The following DSCAM variants were observed in gnomAD, a reference collection of about 807,000 sequenced individuals.
The protein encoded by DSCAM is DS cell adhesion molecule.
DSCAM carries 47 observed loss-of-function variants against 217.7 expected under a neutral mutation model. The observed-to-expected ratio is 0.22, with a 90% confidence interval of 0.17 to 0.28. DSCAM has a LOEUF of 0.28. Ranked by LOEUF, DSCAM falls within the 10% of genes least tolerant of loss-of-function variation. DSCAM has a pLI of 1.00. For missense variants in DSCAM, 2,080 were observed against 2,618.3 expected (o/e 0.79, Z 4.49); for synonymous variants, 1,056 against 1,015.3 (o/e 1.04, Z -0.76).
intron 1 of DSCAM, among the ~76,000 whole-genome samples, chr21:40,731,662 C>A (rs924243825): frequency 1.3e-5 from 2 of 151,812 alleles, no homozygotes; most frequent in South Asian, 2.1e-4. Context: ...ATAAGGATAT[C>A]AGTCATATTT....
chr21:40,297,044 G>A (rs2073962966), intron 9 of DSCAM, among the ~76,000 whole-genome samples: 3 of 152,082 alleles, frequency 2.0e-5, no homozygotes, highest in African/African-American at 7.2e-5. Flanking sequence ...AAATTCTGGT[G>A]AGAACACATA....
chr21:40,325,476 C>G (rs1252995572), intron 8 of DSCAM, among the ~76,000 whole-genome samples: 2 of 152,044 alleles, frequency 1.3e-5, no homozygotes, highest in Non-Finnish European at 2.9e-5. Context: ...ATTTCTTAAA[C>G]AAGGTCCAAA....
intron 2 of DSCAM, among the ~76,000 whole-genome samples, chr21:40,695,073 T>C (rs1057048758): frequency 6.6e-6 from 1 of 152,112 alleles, no homozygotes; most frequent in African/African-American, 2.4e-5. Flanking sequence ...GCTTGTTTCT[T>C]TGCAATAAAA....
chr21:40,021,202 T>C (rs1359294576), intron 32 of DSCAM, among the ~76,000 whole-genome samples: 2 of 83,682 alleles, frequency 2.4e-5, no homozygotes, highest in Non-Finnish European at 4.6e-5. Flanking sequence ...CGAGACTCCG[T>C]CTCAAAAAAA....
chr21:40,420,219 C>T (rs995554549), intron 3 of DSCAM, among the ~76,000 whole-genome samples: 1 of 146,500 alleles, frequency 6.8e-6, no homozygotes, highest in Non-Finnish European at 1.5e-5. Flanking sequence ...ATAAACAATG[C>T]CAATTTTCAT....
intron 11 of DSCAM, among the ~76,000 whole-genome samples, chr21:40,250,044 A>C (rs778312996): frequency 1.3e-5 from 2 of 152,210 alleles, no homozygotes; most frequent in Non-Finnish European, 2.9e-5. Context: ...GTCACTTTGT[A>C]CTGTTTTTGC....
At chr21:40,239,185 A>G (rs2073116245) in intron 11 of DSCAM, among the ~76,000 whole-genome samples, 1 of 152,214 alleles carries the variant, frequency 6.6e-6, no homozygotes, top group South Asian at 2.1e-4. Flanking sequence ...AAAACCTTAA[A>G]TACCCGGATA....
intron 1 of DSCAM, among the ~76,000 whole-genome samples, chr21:40,717,855 A>G (rs190600217): frequency 3.9e-5 from 6 of 152,352 alleles, no homozygotes; most frequent in Admixed American, 2.6e-4. Flanking sequence ...GAAAGTTTTG[A>G]CAATGAACAA....
intron 2 of DSCAM, among the ~76,000 whole-genome samples, chr21:40,697,811 G>C (rs963760500): frequency 6.6e-6 from 1 of 152,106 alleles, no homozygotes; most frequent in African/African-American, 2.4e-5. Context: ...GATTGCTTTA[G>C]CATTTCGGAG....
intron 1 of DSCAM, among the ~76,000 whole-genome samples, chr21:40,759,050 G>T (rs539588597): frequency 3.3e-5 from 5 of 152,286 alleles, no homozygotes; most frequent in Non-Finnish European, 7.4e-5. Flanking sequence ...GCCTGGAAGG[G>T]GTGTGAAATG....
chr21:40,764,951 G>A (rs1225425069), intron 1 of DSCAM, among the ~76,000 whole-genome samples: 1 of 152,092 alleles, frequency 6.6e-6, no homozygotes, highest in Non-Finnish European at 1.5e-5. Context: ...GGCCTGTCAG[G>A]GGGTGGAGGG....
At chr21:40,705,260 T>C (rs2090699827) in intron 2 of DSCAM, among the ~76,000 whole-genome samples, 1 of 152,224 alleles carries the variant, frequency 6.6e-6, no homozygotes, top group Non-Finnish European at 1.5e-5. Flanking sequence ...TATACAAATT[T>C]ATGTGCAGAT....
At chr21:40,104,137 A>T (rs1339347491) in intron 20 of DSCAM, among the ~76,000 whole-genome samples, 1 of 152,066 alleles carries the variant, frequency 6.6e-6, no homozygotes, top group East Asian at 1.9e-4. Context: ...ATTTTTCCTC[A>T]TCCCCTTTTC....
intron 1 of DSCAM, among the ~76,000 whole-genome samples, chr21:40,759,468 C>A (rs924889168): frequency 1.3e-5 from 2 of 152,198 alleles, no homozygotes; most frequent in Non-Finnish European, 2.9e-5. Context: ...GCACGTGACT[C>A]GCTTGTGCCC....
chr21:40,055,625 G>T, intron 29 of DSCAM, 100 bp downstream of exon 29: 1 of 850,082 alleles, frequency 1.2e-6, no homozygotes, highest in South Asian at 1.5e-5. Flanking sequence ...TAGCCTTCAA[G>T]ACGCTCTCCT....
chr21:40,518,701 T>C lies in DSCAM; in HGVS notation c.509-149456A>G, dbSNP rs181997450. On this transcript the variant is annotated intron_variant, in intron 3 of 32. Transcript: ENST00000400454. ...GTGTATGTATATATATGTATATATA[T>C]ATACACACACACCACCTAAAACCTT... Among the ~76,000 whole-genome samples, 330 of 144,644 alleles carry C rather than the reference T, an allele frequency of 2.3e-3. 3 individuals are homozygous for C. The highest frequency in any genetic ancestry group is 0.014 in the Middle Eastern group (4 of 280). 94.9% of individuals were successfully genotyped at this position (144,644 alleles called of 152,430 possible). A position where few individuals can be genotyped will look rare whatever the true frequency, so the allele number is the denominator to read the frequency against.
rs1320488299 is a variant in DSCAM at position 40,178,956 on chromosome 21, T to G, written c.2918A>C (p.Asn973Thr). The G allele has an allele frequency of 2.5e-6, 4 of 1,613,966 alleles. No individual in the cohort carries two copies. The highest frequency in any genetic ancestry group is 3.4e-6 in the Non-Finnish European group (4 of 1,179,996). ...CTCGTCCGCCGTGATGGTGAGCTCGTTGCTGGGCTCGCTCTTGCCAATCCG... is the reference window on the plus strand; with the variant it reads ...CTCGTCCGCCGTGATGGTGAGCTCGGTGCTGGGCTCGCTCTTGCCAATCCG... Reference protein sequence around the residue: ...KNRIGKSEPSNELTITADEAA... With the variant: ...KNRIGKSEPSTELTITADEAA... Residue 973 changes from asparagine (N) to threonine (T), a missense_variant, in exon 15 of 33, where the codon AAC (asparagine) becomes ACC (threonine). Physicochemically the swap from Asn to Thr is moderately conservative, Grantham distance 65. This residue lies in a region of DSCAM where 1,144 missense variants were observed against 1,421.1 expected (regional missense o/e 0.81). Transcript: ENST00000400454.
chr21:40,600,732 A>G (rs896009054), intron 3 of DSCAM, among the ~76,000 whole-genome samples: 6 of 152,180 alleles, frequency 3.9e-5, no homozygotes, highest in African/African-American at 1.4e-4. Flanking sequence ...AATATTTGCT[A>G]AATTTTGTGT....
intron 11 of DSCAM, among the ~76,000 whole-genome samples, chr21:40,274,244 T>C (rs2123374513): frequency 6.6e-6 from 1 of 152,306 alleles, no homozygotes; most frequent in South Asian, 2.1e-4. Context: ...CGTCCATTCT[T>C]GAAGCCTATT....
Sources: allele counts gnomAD v4.1 joint callset (sites outside exome capture counted in the v4.1 genomes callset), GRCh38; gene constraint gnomAD v4.1.1; regional missense constraint gnomAD v4.1.1; transcripts MANE v1.5; gene names NCBI Gene and HGNC (gene_info 2026-07-23, HGNC 2026-07-21).